The following THSD4 variants were observed in gnomAD, a reference collection of about 807,000 sequenced individuals.
The protein encoded by THSD4 is thrombospondin type 1 domain containing 4.
Under a neutral mutation model 119.0 loss-of-function variants are expected in THSD4, and 69 were observed. The ratio of observed to expected loss-of-function variants is 0.58; its 90% confidence interval spans 0.48 to 0.71. THSD4 has a LOEUF of 0.71. Ranked by LOEUF, THSD4 falls within the 30% of genes least tolerant of loss-of-function variation. THSD4 has a pLI of 0.00. For missense variants in THSD4, 1,393 were observed against 1,391.1 expected, an observed-to-expected ratio of 1.00 and a Z score of -0.02; for synonymous variants, 524 against 540.4, an observed-to-expected ratio of 0.97 and a Z score of 0.42.
chr15:71,265,869 C>T (rs1371747808), intron 6 of THSD4, among the ~76,000 whole-genome samples: 1 of 152,202 alleles, frequency 6.6e-6, no homozygotes, highest in Non-Finnish European at 1.5e-5. Flanking sequence ...GAGCCCACCG[C>T]AGCTCGGGAA....
chr15:71,475,427 T>C (rs1260190287), intron 7 of THSD4, among the ~76,000 whole-genome samples: 1 of 152,258 alleles, frequency 6.6e-6, no homozygotes, highest in East Asian at 1.9e-4. Context: ...TGACTATTGA[T>C]TCACCAGACA....
chr15:71,440,189 A>G (rs746580556), intron 7 of THSD4, among the ~76,000 whole-genome samples: 1 of 152,162 alleles, frequency 6.6e-6, no homozygotes, highest in Non-Finnish European at 1.5e-5. Flanking sequence ...TCATGCATGA[A>G]CAAAGATTTT....
At chr15:71,554,378 A>G (rs1293873424) in intron 7 of THSD4, among the ~76,000 whole-genome samples, 1 of 150,352 alleles carries the variant, frequency 6.7e-6, no homozygotes, top group East Asian at 2.0e-4. Context: ...TACAGGCGTG[A>G]GACACCATGC....
chr15:71,124,314 A>G (rs1376787116), intron 1 of THSD4, among the ~76,000 whole-genome samples: 8 of 152,240 alleles, frequency 5.3e-5, no homozygotes, highest in Admixed American at 5.2e-4. Context: ...TTTTAATTTC[A>G]TATAATTTTT....
chr15:71,534,850 T>C (rs768648455), intron 7 of THSD4, among the ~76,000 whole-genome samples: 1 of 151,944 alleles, frequency 6.6e-6, no homozygotes, highest in Non-Finnish European at 1.5e-5. Flanking sequence ...TGGTGGTGGG[T>C]GTGTGTGTTT....
intron 3 of THSD4, among the ~76,000 whole-genome samples, chr15:71,193,863 G>A (rs181720231): frequency 0.073 from 11,086 of 152,106 alleles, 482 homozygotes; most frequent in East Asian, 0.12. Flanking sequence ...GGCGCCCGCC[G>A]CCACGCCCAG....
chr15:71,640,482 C>G (rs947950597), intron 7 of THSD4, among the ~76,000 whole-genome samples: 2 of 152,080 alleles, frequency 1.3e-5, no homozygotes, highest in Admixed American at 6.6e-5. Flanking sequence ...CAGGACTGGT[C>G]TCAAATTCTC....
chr15:71,321,705 A>G lies in THSD4; in HGVS notation c.1015+64990A>G, dbSNP rs372105355. 1.3e-3 allele frequency among the ~76,000 whole-genome samples: 196 copies of G among 152,366 alleles called. 12 individuals carry two copies. The South Asian group carries it at 0.04, about 31-fold the overall frequency. On this transcript the variant is annotated intron_variant, in intron 6 of 17. Coordinates refer to ENST00000261862, the MANE Select transcript of THSD4 (RefSeq NM_024817.3). ...TATTAAAAGCAGTTATGAATGTGAG[A>G]GTGCTGAAATAAATGTAATTGCATT...
intron 7 of THSD4, among the ~76,000 whole-genome samples, chr15:71,496,519 G>A (rs1019309392): frequency 2.6e-5 from 4 of 152,138 alleles, no homozygotes; most frequent in African/African-American, 9.7e-5. Context: ...GGTGGCTGCT[G>A]GAGCTCCTAT....
intron 17 of THSD4, among the ~76,000 whole-genome samples, chr15:71,775,937 T>C (rs556773494): frequency 2.6e-5 from 4 of 152,276 alleles, no homozygotes; most frequent in South Asian, 2.1e-4. Flanking sequence ...GAGGTCATAT[T>C]ATGAAGCTGT....
At chr15:71,532,281 A>AGAGAGAGAGAGAGAGAGAGAGAGT (rs1555423940) in intron 7 of THSD4, among the ~76,000 whole-genome samples, 1 of 113,140 alleles carries the variant, frequency 8.8e-6, no homozygotes, top group South Asian at 3.2e-4. Flanking sequence ...AGAGAGAGAG[A>AGAGAGAGAGAGAGAGAGAGAGAGT]GAGTGTGTGT....
intron 6 of THSD4, among the ~76,000 whole-genome samples, chr15:71,388,968 G>T (rs917869617): frequency 2.0e-5 from 3 of 152,024 alleles, no homozygotes; most frequent in Non-Finnish European, 4.4e-5. Context: ...CATGAGATTT[G>T]ATGGTTTTAT....
At chr15:71,238,664 T>C (rs1206579952) in intron 4 of THSD4, among the ~76,000 whole-genome samples, 1 of 152,262 alleles carries the variant, frequency 6.6e-6, no homozygotes. Context: ...TCTGTGGGTA[T>C]ACCAATGTTT....
At position 71,578,936 on chromosome 15, in the gene THSD4, C is replaced by T. The variant is rs376595299; in HGVS notation, c.1153-81594C>T. On this transcript the variant is annotated intron_variant, in intron 7 of 17. Coordinates refer to ENST00000261862, the MANE Select transcript of THSD4 (RefSeq NM_024817.3). ...TCGGCTCACTGCAAGCTCTGCCTCC[C>T]GGGTTCAAGTGATTCTCCTGCCTCA... 1.8e-3 allele frequency among the ~76,000 whole-genome samples: 270 copies of T among 150,670 alleles called. 16 individuals are homozygous for T. The South Asian group carries it at 0.055, about 30-fold the overall frequency.
chr15:71,410,465 G>GGCC (rs2046671702), intron 6 of THSD4, among the ~76,000 whole-genome samples: 1 of 152,170 alleles, frequency 6.6e-6, no homozygotes, highest in African/African-American at 2.4e-5. Flanking sequence ...GGAAGGAACA[G>GGCC]TTAAGCAACG....
chr15:71,756,530 C>T (rs1268681698), intron 14 of THSD4, among the ~76,000 whole-genome samples: 1 of 152,194 alleles, frequency 6.6e-6, no homozygotes, highest in Non-Finnish European at 1.5e-5. Context: ...CACCTGTAAT[C>T]CCAGCACTTT....
chr15:71,326,692 AAAAAAAAAAT>A (rs1369507496), intron 6 of THSD4, among the ~76,000 whole-genome samples: 40 of 13,514 alleles, frequency 3.0e-3, no homozygotes, highest in Middle Eastern at 0.05. Flanking sequence ...AAAAAAAAAA[AAAAAAAAAAT>A]ATATATATAT....
At chr15:71,574,247 G>A (rs935324856) in intron 7 of THSD4, among the ~76,000 whole-genome samples, 1 of 152,136 alleles carries the variant, frequency 6.6e-6, no homozygotes, top group Admixed American at 6.5e-5. Flanking sequence ...CCCCTATTGT[G>A]TGTCAATGCA....
intron 7 of THSD4, among the ~76,000 whole-genome samples, chr15:71,559,615 T>C (rs2049079891): frequency 1.3e-5 from 2 of 151,838 alleles, no homozygotes; most frequent in Non-Finnish European, 1.5e-5. Flanking sequence ...TTTCTAGACC[T>C]CTGCTTCTCT....
Sources: allele counts gnomAD v4.1 joint callset (sites outside exome capture counted in the v4.1 genomes callset), GRCh38; gene constraint gnomAD v4.1.1; transcripts MANE v1.5; gene names NCBI Gene and HGNC (gene_info 2026-07-23, HGNC 2026-07-21).